CHODL: variants seen among roughly 807,000 people sequenced by gnomAD.
The protein encoded by CHODL is chondrolectin.
CHODL carries 29 observed loss-of-function variants against 34.5 expected under a neutral mutation model. The observed-to-expected ratio is 0.84, with a 90% CI of 0.63 to 1.15. The LOEUF is 1.15. CHODL is among the 50% of genes most tolerant of loss of function. The probability of loss-of-function intolerance (pLI) is 0.00; values close to 1 mark genes in which losing one functional copy is unlikely to be tolerated. For missense variants in CHODL, 332 were observed against 332.5 expected, an observed-to-expected ratio of 1.00 and a Z score of 0.01; for synonymous variants, 125 against 116.1, an observed-to-expected ratio of 1.08 and a Z score of -0.49.
intron 2 of CHODL, among the ~76,000 whole-genome samples, chr21:18,201,148 A>C (rs1231600594): frequency 6.6e-6 from 1 of 152,242 alleles, no homozygotes; most frequent in Non-Finnish European, 1.5e-5. Flanking sequence ...TCTCAGGAAC[A>C]CAAAGATATG....
intron 2 of CHODL, among the ~76,000 whole-genome samples, chr21:18,130,863 G>A (rs1438988661): frequency 6.6e-6 from 1 of 152,128 alleles, no homozygotes; most frequent in Non-Finnish European, 1.5e-5. Context: ...ATGTTGAAGT[G>A]GTCTTTTTGA....
intron 2 of CHODL, among the ~76,000 whole-genome samples, chr21:18,228,373 C>T (rs1244370347): frequency 6.6e-6 from 1 of 152,030 alleles, no homozygotes; most frequent in African/African-American, 2.4e-5. Flanking sequence ...TCTTAATGTA[C>T]ATCTATAAGT....
chr21:18,045,995 C>T (rs556668675), intron 2 of CHODL, among the ~76,000 whole-genome samples: 11 of 152,048 alleles, frequency 7.2e-5, no homozygotes, highest in African/African-American at 2.6e-4. Context: ...ATAAATTATT[C>T]CATCTTAGGT....
chr21:18,102,530 A>G (rs1326292529), intron 2 of CHODL, among the ~76,000 whole-genome samples: 1 of 152,174 alleles, frequency 6.6e-6, no homozygotes, highest in African/African-American at 2.4e-5. Flanking sequence ...TTAATTTAGA[A>G]TTTATTCTTT....
chr21:17,982,024 CT>C (rs2063717785), intron 1 of CHODL, among the ~76,000 whole-genome samples: 1 of 152,198 alleles, frequency 6.6e-6, no homozygotes, highest in East Asian at 1.9e-4. Context: ...AATGATATTA[CT>C]ACATCCTAGG....
At chr21:18,174,285 A>G (rs1246382216) in intron 2 of CHODL, among the ~76,000 whole-genome samples, 2 of 150,744 alleles carry the variant, frequency 1.3e-5, no homozygotes, top group Non-Finnish European at 3.0e-5. Flanking sequence ...GTATTTGAAA[A>G]TCATATATAC....
intron 2 of CHODL, among the ~76,000 whole-genome samples, chr21:18,094,974 A>G (rs1483467273): frequency 6.6e-6 from 1 of 151,976 alleles, no homozygotes; most frequent in African/African-American, 2.4e-5. Flanking sequence ...AAATAAAAAA[A>G]TTAGCTGGGT....
chr21:17,954,807 A>C (rs2063484193), intron 1 of CHODL, among the ~76,000 whole-genome samples: 1 of 132,388 alleles, frequency 7.6e-6, no homozygotes. Flanking sequence ...CCAATTATTC[A>C]TAATTCTCTC....
At chr21:18,176,957 A>T (rs2073322597) in intron 2 of CHODL, among the ~76,000 whole-genome samples, 1 of 152,110 alleles carries the variant, frequency 6.6e-6, no homozygotes, top group Non-Finnish European at 1.5e-5. Flanking sequence ...GAAAGAAGAT[A>T]AAACTTAATT....
At chr21:18,226,108 C>T (rs2073928827) in intron 2 of CHODL, among the ~76,000 whole-genome samples, 1 of 152,034 alleles carries the variant, frequency 6.6e-6, no homozygotes, top group African/African-American at 2.4e-5. Context: ...ATCTTGTTGC[C>T]TTGTAAGGTA....
At chr21:18,209,063 C>G (rs1428279978) in intron 2 of CHODL, among the ~76,000 whole-genome samples, 2 of 152,192 alleles carry the variant, frequency 1.3e-5, no homozygotes, top group Non-Finnish European at 2.9e-5. Flanking sequence ...GCTCTACAAT[C>G]AGCAGGTGTC....
At chr21:17,965,154 C>T (rs1405921096) in intron 1 of CHODL, among the ~76,000 whole-genome samples, 1 of 152,136 alleles carries the variant, frequency 6.6e-6, no homozygotes, top group Non-Finnish European at 1.5e-5. Context: ...GCAATAACTG[C>T]ACTTAACCCT....
chr21:18,160,951 T>C (rs966717587), intron 2 of CHODL, among the ~76,000 whole-genome samples: 2 of 152,192 alleles, frequency 1.3e-5, no homozygotes, highest in Non-Finnish European at 2.9e-5. Context: ...TCCCACCAAC[T>C]GTGTATAAGT....
chr21:18,072,152 TA>T (rs879301435), intron 2 of CHODL, among the ~76,000 whole-genome samples: 3 of 151,910 alleles, frequency 2.0e-5, no homozygotes, highest in Non-Finnish European at 4.4e-5. Context: ...ATAGTAAACA[TA>T]AAAATATATA....
rs145610289 is a variant in CHODL at position 18,131,874 on chromosome 21, T to C, written c.-45+103903T>C. ...TGCCCTTATTTCATTCTTCCATTAT[T>C]TTTTAAAAGAATTATCTTTTTTAAA... On this transcript the variant is annotated intron_variant, in intron 2 of 6. Coordinates refer to the CHODL transcript ENST00000400127. 3.5e-4 allele frequency among the ~76,000 whole-genome samples: 53 copies of C among 152,274 alleles called. 1 individual carries two copies. Among genetic ancestry groups the C allele is most frequent in the Non-Finnish European group, 1.2e-4 (8 of 68,006 alleles).
chr21:18,092,294 C>A (rs1207087354), intron 2 of CHODL, among the ~76,000 whole-genome samples: 1 of 152,154 alleles, frequency 6.6e-6, no homozygotes, highest in Non-Finnish European at 1.5e-5. Flanking sequence ...GTGCAAAAAC[C>A]ACAGCATTAT....
intron 1 of CHODL, among the ~76,000 whole-genome samples, chr21:18,016,561 G>C (rs1163578894): frequency 2.6e-5 from 4 of 152,196 alleles, no homozygotes; most frequent in East Asian, 1.9e-4. Flanking sequence ...TGCAGGGGTA[G>C]AGCCCTCATG....
Position 17,946,189 on chromosome 21 carries a change from G to A in CHODL, c.-145+28789G>A, listed in dbSNP as rs536135513. ...TCCCAGCACTTTGGGAGGCCAAGGCGGGCGGATCACGAGGGCAGGAGATTG... is the reference window on the plus strand; with the variant it reads ...TCCCAGCACTTTGGGAGGCCAAGGCAGGCGGATCACGAGGGCAGGAGATTG... On this transcript the variant is annotated intron_variant, in intron 1 of 6. Coordinates refer to the CHODL transcript ENST00000400127. Among the ~76,000 whole-genome samples, 15 of 152,294 alleles carry A rather than the reference G, an allele frequency of 9.8e-5. No homozygotes were observed. In the South Asian group the frequency reaches 2.7e-3, roughly 27 times the overall value.
chr21:18,035,355 G>A (rs1391019252), intron 2 of CHODL, among the ~76,000 whole-genome samples: 1 of 151,854 alleles, frequency 6.6e-6, no homozygotes, highest in Non-Finnish European at 1.5e-5. Flanking sequence ...TTGTTTCCCT[G>A]CACATAGTGT....
Sources: allele counts gnomAD v4.1 joint callset (sites outside exome capture counted in the v4.1 genomes callset), GRCh38; gene constraint gnomAD v4.1.1; transcripts MANE v1.5; gene names NCBI Gene and HGNC (gene_info 2026-07-23, HGNC 2026-07-21).